Variants in SKIL observed in about 807,000 individuals in gnomAD.
SKIL encodes the protein SKI like proto-oncogene, also known as ski-like protein.
In SKIL, 20 loss-of-function variants were observed where a neutral mutation model predicts 69.6. The observed-to-expected ratio is 0.29, with a 90% CI of 0.20 to 0.42. The LOEUF (loss-of-function observed/expected upper bound fraction) is 0.42, where lower values mean the gene tolerates loss of function less well. SKIL is among the 10% of genes least tolerant of loss of function. SKIL has a pLI of 1.00. For synonymous variants in SKIL, 310 were observed against 279.9 expected (o/e 1.11, Z -1.08); for missense variants, 745 against 783.1 (o/e 0.95, Z 0.58).
chr3:170,367,906 A>T (rs1378946514), intron 2 of SKIL, among the ~76,000 whole-genome samples: 4 of 152,316 alleles, frequency 2.6e-5, no homozygotes, highest in South Asian at 4.1e-4. Context: ...GCAACTTAAA[A>T]AATTTTTTTT....
intron 4 of SKIL, among the ~76,000 whole-genome samples, chr3:170,386,543 C>T (rs1737643510): frequency 1.3e-5 from 2 of 152,136 alleles, no homozygotes; most frequent in African/African-American, 4.8e-5. Context: ...ATTCATAGCT[C>T]ACCGCAGCTT....
At position 170,361,074 on chromosome 3, in the gene SKIL, C is replaced by A. The variant is rs1736205792; in HGVS notation, c.743C>A (p.Ala248Asp). 18 of 1,614,220 alleles carry A rather than the reference C, an allele frequency of 1.1e-5. No homozygotes were observed. The highest frequency in any genetic ancestry group is 1.4e-5 in the Non-Finnish European group (17 of 1,180,032). The stretch of plus-strand genomic sequence containing the variant: ...CCTCAAAATGGTAGCGTACTTCCTG[C>A]TAAAAGCTCATTGGCCCAGTTAAAG... ...TFPQNGSVLPAKSSLAQLKET... is the reference protein window; with the variant it reads ...TFPQNGSVLPDKSSLAQLKET... The change falls in exon 2 of 7, where the codon GCT (alanine) becomes GAT (aspartate). Residue 248 changes from alanine to aspartate, a missense_variant. Transcript: ENST00000259119.
rs1736201272 is a variant in SKIL at position 170,361,035 on chromosome 3, G to A, written c.704G>A (p.Arg235Gln). 5.6e-6 allele frequency: 9 copies of A among 1,614,126 alleles called. No individual in the cohort carries two copies. In the East Asian group the frequency reaches 1.8e-4, roughly 32 times the overall value. The change falls in exon 2 of 7, where the codon CGG (arginine) becomes CAG (glutamine). Residue 235 changes from arginine to glutamine, a missense_variant. By Grantham distance (43) the Arg-to-Gln change is conservative. Coordinates refer to ENST00000259119, the MANE Select transcript of SKIL (RefSeq NM_005414.5). ...CAAAGATTATGTAATGCTTTATTGC[G>A]GCCACGAACTTTTCCTCAAAATGGT... ...DAQRLCNALL[R>Q]PRTFPQNGSV...
Position 170,396,242 on chromosome 3 carries a change from A to G in SKIL, c.*3825A>G, listed in dbSNP as rs763089512. ...TATAAGATTTTTTTCCTCAATATAG[A>G]TACCTCACTTGAAAAGAAAGCACAG... On this transcript the variant is annotated 3_prime_UTR_variant, in exon 7 of 7. Coordinates refer to ENST00000259119, the MANE Select transcript of SKIL (RefSeq NM_005414.5). 1.3e-5 allele frequency: 2 copies of G among 152,144 alleles called. No homozygotes were observed. The highest frequency in any genetic ancestry group is 2.9e-5 in the Non-Finnish European group (2 of 67,980). The allele number at this position is 152,144 out of a possible 1,614,324, so 9.4% of individuals were successfully genotyped here. A position where few individuals can be genotyped will look rare whatever the true frequency, so the allele number is the denominator to read the frequency against.
chr3:170,387,444 T>G (rs939536397), intron 4 of SKIL, among the ~76,000 whole-genome samples: 8 of 152,284 alleles, frequency 5.3e-5, no homozygotes, highest in Non-Finnish European at 8.8e-5. Flanking sequence ...ATGTGGCTTT[T>G]CATGTCTGGT....
At chr3:170,389,211 G>A (rs1737791620) in intron 4 of SKIL, among the ~76,000 whole-genome samples, 1 of 151,884 alleles carries the variant, frequency 6.6e-6, no homozygotes, top group African/African-American at 2.4e-5. Context: ...CTTACATTTA[G>A]GTCTTTGATC....
chr3:170,380,526 C>T (rs1391597907), intron 2 of SKIL, among the ~76,000 whole-genome samples: 1 of 151,946 alleles, frequency 6.6e-6, no homozygotes, highest in African/African-American at 2.4e-5. Context: ...TGCCTGTAAT[C>T]CCAGCTACTC....
In SKIL at chr3:170,395,077, G is replaced by T. The variant is rs1213690462; in HGVS notation, c.*2660G>T. The stretch of plus-strand genomic sequence containing the variant: ...GCATTAAAGGGACAACCTATAAAAA[G>T]TTTTGCTAGCTCATCTTTAGAAGGA... On this transcript the variant is annotated 3_prime_UTR_variant, in exon 7 of 7. Coordinates refer to ENST00000259119, the MANE Select transcript of SKIL (RefSeq NM_005414.5). 1 of 152,108 alleles carries T rather than the reference G, an allele frequency of 6.6e-6. No individual in the cohort carries two copies. The highest frequency in any genetic ancestry group is 1.5e-5 in the Non-Finnish European group (1 of 67,982). The allele number at this position is 152,108 out of a possible 1,614,324, so 9.4% of individuals were successfully genotyped here. A position where few individuals can be genotyped will look rare whatever the true frequency, so the allele number is the denominator to read the frequency against.
At position 170,360,165 on chromosome 3, in the gene SKIL, A is replaced by G. The variant is rs1736150440; in HGVS notation, c.-167A>G. Reference sequence around the variant, plus strand: ...GAAATTATACCAGATTATAAGGAGAACCAAAACTAAGTCGCAAAATTTATT... The same window carrying G: ...GAAATTATACCAGATTATAAGGAGAGCCAAAACTAAGTCGCAAAATTTATT... On this transcript the variant is annotated 5_prime_UTR_variant, in exon 2 of 7. Coordinates refer to ENST00000259119, the MANE Select transcript of SKIL (RefSeq NM_005414.5). 4.9e-6 allele frequency: 3 copies of G among 610,758 alleles called. No individual in the cohort carries two copies. The highest frequency in any genetic ancestry group is 8.4e-6 in the Non-Finnish European group (3 of 358,602). 37.8% of individuals were successfully genotyped at this position (610,758 alleles called of 1,614,324 possible).
rs1455472043 is a variant in SKIL, at chr3:170,393,021, A to G, written c.*604A>G. On this transcript the variant is annotated 3_prime_UTR_variant, in exon 7 of 7. Transcript: ENST00000259119. ...AGGTTATAGCATACCCCATGAGCAC[A>G]GTGGGGAAGAAGAATGTGTTGTTAT... The G allele has an allele frequency of 2.0e-5, 3 of 152,212 alleles. No homozygotes were observed. Among genetic ancestry groups the G allele is most frequent in the African/African-American group, 7.2e-5 (3 of 41,460 alleles). The allele number at this position is 152,212 out of a possible 1,614,324, so 9.4% of individuals were successfully genotyped here. A position where few individuals can be genotyped will look rare whatever the true frequency, so the allele number is the denominator to read the frequency against.
Position 170,361,408 on chromosome 3 carries a change from T to G in SKIL, c.1077T>G (p.Ser359Arg). ...TGAAGGAGAAGTTTAGCATGAGAAG[T>G]GGAAAGAGAAATCAATCCAAGGCAA... The part of the protein sequence containing the change: ...EEMKEKFSMR[S>R]GKRNQSKTDA... Residue 359 changes from serine (S) to arginine (R), a missense_variant, in exon 2 of 7, where the codon AGT becomes AGG. By Grantham distance (110) the Ser-to-Arg change is moderately radical. Transcript: ENST00000259119. 6.3e-7 allele frequency: 1 copy of G among 1,579,738 alleles called. No homozygotes were observed. Among genetic ancestry groups the G allele is most frequent in the Non-Finnish European group, 8.6e-7 (1 of 1,167,682 alleles).
chr3:170,387,138 C>T (rs1213818239), intron 4 of SKIL, among the ~76,000 whole-genome samples: 1 of 152,076 alleles, frequency 6.6e-6, no homozygotes, highest in Non-Finnish European at 1.5e-5. Flanking sequence ...CTGCCTCAGC[C>T]TCCTGAGTAG....
Position 170,360,375 on chromosome 3 carries a change from C to G in SKIL, c.44C>G (p.Thr15Ser), listed in dbSNP as rs776806753. 3 of 1,597,568 alleles carry G rather than the reference C, an allele frequency of 1.9e-6. No homozygotes were observed. The African/African-American group carries it at 4.0e-5, about 21-fold the overall frequency. ...AATTTCTCCTTGGTTCAGGGCTCAA[C>G]TAAAAAACTGAATGGGATGGGAGAT... Reference protein sequence around the residue: ...QTNFSLVQGSTKKLNGMGDDG... With the variant: ...QTNFSLVQGSSKKLNGMGDDG... Residue 15 changes from threonine to serine, a missense_variant, in exon 2 of 7, where the codon ACT (threonine) becomes AGT (serine). Physicochemically the swap from Thr to Ser is moderately conservative, Grantham distance 58 (BLOSUM62 1). Coordinates refer to ENST00000259119, the MANE Select transcript of SKIL (RefSeq NM_005414.5).
chr3:170,383,189 C>T (rs979584451), intron 3 of SKIL, among the ~76,000 whole-genome samples: 1 of 152,114 alleles, frequency 6.6e-6, no homozygotes, highest in African/African-American at 2.4e-5. Flanking sequence ...TGTATTCCCT[C>T]CAAGTATGGT....
chr3:170,374,269 AAG>A (rs1560212910), intron 2 of SKIL, among the ~76,000 whole-genome samples: 2 of 151,938 alleles, frequency 1.3e-5, no homozygotes, highest in African/African-American at 4.8e-5. Context: ...CCTAAGAGGA[AAG>A]AACCTTTGGA....
chr3:170,361,256 A>G lies in SKIL; in HGVS notation c.925A>G (p.Arg309Gly). The G allele has an allele frequency of 1.9e-6, 3 of 1,614,188 alleles. No homozygotes were observed. The highest frequency in any genetic ancestry group is 1.7e-6 in the Non-Finnish European group (2 of 1,180,030). Residue 309 changes from arginine to glycine, a missense_variant, in exon 2 of 7, where the codon AGA becomes GGA. Arg to Gly is a moderately radical substitution (Grantham distance 125, BLOSUM62 -2). Coordinates refer to ENST00000259119, the MANE Select transcript of SKIL (RefSeq NM_005414.5). ...APQTFVMHSHRSPDKRTCHWG... is the reference protein window; with the variant it reads ...APQTFVMHSHGSPDKRTCHWG... ...CCAGACGTTTGTGATGCATTCTCAC[A>G]GATCACCTGACAAAAGAACTTGCCA...
chr3:170,361,367 A>G lies in SKIL; in HGVS notation c.1036A>G (p.Ile346Val). The G allele has an allele frequency of 6.2e-7, 1 of 1,606,640 alleles. No individual in the cohort carries two copies. The highest frequency in any genetic ancestry group is 8.5e-7 in the Non-Finnish European group (1 of 1,178,012). ...AACACCTGAAGAAAAGAAACTGAAGATAATTTTAGAAGAAATGAAGGAGAA... is the reference window on the plus strand; with the variant it reads ...AACACCTGAAGAAAAGAAACTGAAGGTAATTTTAGAAGAAATGAAGGAGAA... Reference protein sequence around the residue: ...LGTPEEKKLKIILEEMKEKFS... With the variant: ...LGTPEEKKLKVILEEMKEKFS... The change falls in exon 2 of 7, where the codon ATA becomes GTA. Residue 346 changes from isoleucine to valine, a missense_variant. Coordinates refer to ENST00000259119, the MANE Select transcript of SKIL (RefSeq NM_005414.5).
At chr3:170,382,799 A>G (rs557690824) in intron 3 of SKIL, among the ~76,000 whole-genome samples, 1 of 149,206 alleles carries the variant, frequency 6.7e-6, no homozygotes, top group Admixed American at 6.7e-5. Context: ...GCTCACTGCA[A>G]CCTCCGCCTC....
Position 170,394,115 on chromosome 3 carries a change from A to ATTTTT in SKIL, c.*1725_*1729dup, listed in dbSNP as rs559327626. ...ATATTAAAATGACATGTAGAAACAA[A>ATTTTT]TTTTTTTTTTTTTTTTTTTTTTTTT... is the stretch of plus-strand genomic sequence containing the variant. On this transcript the variant is annotated 3_prime_UTR_variant, in exon 7 of 7. Coordinates refer to ENST00000259119, the MANE Select transcript of SKIL (RefSeq NM_005414.5). 567 of 74,332 alleles carry ATTTTT rather than the reference A, an allele frequency of 7.6e-3. 52 individuals carry two copies. Among genetic ancestry groups the ATTTTT allele is most frequent in the African/African-American group, 0.028 (544 of 19,302 alleles). 4.6% of individuals were successfully genotyped at this position (74,332 alleles called of 1,614,324 possible).
Sources: gnomAD v4.1 joint callset for allele counts (sites outside exome capture counted in the v4.1 genomes callset) on GRCh38, gnomAD v4.1.1 for gene constraint, MANE v1.5 for transcripts, NCBI Gene and HGNC (gene_info 2026-07-23, HGNC 2026-07-21) for gene names.